The following ZNF17 variants were observed in gnomAD, a reference collection of about 807,000 sequenced individuals.
ZNF17 encodes the protein zinc finger protein 17 (HPF3, KOX 10).
In ZNF17, 4 loss-of-function variants were observed where a neutral mutation model predicts 7.7. The ratio of observed to expected loss-of-function variants is 0.52; its 90% CI spans 0.26 to 1.20. The LOEUF is 1.20. Ranked by LOEUF, ZNF17 falls within the 50% of genes most tolerant of loss-of-function variation. ZNF17 has a pLI of 0.14. For missense variants in ZNF17, 738 were observed against 799.5 expected (o/e 0.92, Z 0.93); for synonymous variants, 249 against 258.8 (o/e 0.96, Z 0.36).
At chr19:57,412,142 G>A (rs2088781289) in intron 1 of ZNF17, among the ~76,000 whole-genome samples, 1 of 152,146 alleles carries the variant, frequency 6.6e-6, no homozygotes, top group African/African-American at 2.4e-5. Context: ...CTGCAAAAAC[G>A]GAGTTCTGAA....
At position 57,417,039 on chromosome 19, in the gene ZNF17, C is replaced by T. The variant is rs1413980502; in HGVS notation, c.22-873C>T. ...GGAAGTGTATCAGTGATTGTACCCA[C>T]AGGATTTCAATCTGTGAACAAGAGT... is the stretch of plus-strand genomic sequence containing the variant. On this transcript the variant is annotated intron_variant, in intron 2 of 3. Coordinates refer to ENST00000307658, the MANE Select transcript of ZNF17 (RefSeq NM_001330617.2). Among the ~76,000 whole-genome samples, 6 of 152,212 alleles carry T rather than the reference C, an allele frequency of 3.9e-5. No individual in the cohort carries two copies. In the East Asian group the frequency reaches 1.2e-3, roughly 29 times the overall value.
intron 2 of ZNF17, 115 bp from the exon 3 acceptor site, chr19:57,417,797 A>G: frequency 7.5e-7 from 1 of 1,328,858 alleles, no homozygotes; most frequent in Non-Finnish European, 1.0e-6. Context: ...CAGTGAGCCG[A>G]GATCACACCA....
At position 57,411,184 on chromosome 19, in the gene ZNF17, T is replaced by G; in HGVS notation, c.-243T>G. On this transcript the variant is annotated 5_prime_UTR_variant, in exon 1 of 4. Coordinates refer to ENST00000307658, the MANE Select transcript of ZNF17 (RefSeq NM_001330617.2). ...CTGCAACGCCTCCTGGGGTTGTCAA[T>G]ATGGCTGCGTTGGGATCTGTTCACC... 1 of 637,032 alleles carries G rather than the reference T, an allele frequency of 1.6e-6. No homozygotes were observed. The highest frequency in any genetic ancestry group is 2.6e-6 in the Non-Finnish European group (1 of 391,160). The allele number at this position is 637,032 out of a possible 1,614,324, so 39.5% of individuals were successfully genotyped here.
Position 57,419,749 on chromosome 19 carries a change from G to T in ZNF17, c.263G>T (p.Cys88Phe). ...PALSTQKAQP[C>F]ETCSSLLKDI... ...TTGTCCACCCAGAAGGCCCAGCCCT[G>T]TGAGACATGTAGCTCACTTCTGAAG... Residue 88 changes from cysteine (C) to phenylalanine (F), a missense_variant, in exon 4 of 4, where the codon TGT becomes TTT. By Grantham distance (205) the Cys-to-Phe change is radical. Coordinates refer to ENST00000307658, the MANE Select transcript of ZNF17 (RefSeq NM_001330617.2). The T allele has an allele frequency of 6.2e-7, 1 of 1,614,204 alleles. No individual in the cohort carries two copies. Among genetic ancestry groups the T allele is most frequent in the Non-Finnish European group, 8.5e-7 (1 of 1,180,036 alleles).
At chr19:57,416,065 G>C (rs1359620581) in intron 2 of ZNF17, among the ~76,000 whole-genome samples, 2 of 152,056 alleles carry the variant, frequency 1.3e-5, no homozygotes, top group Non-Finnish European at 2.9e-5. Context: ...GCCAAGATCT[G>C]GAACTCAAAG....
Position 57,420,193 on chromosome 19 carries a change from T to C in ZNF17, c.707T>C (p.Ile236Thr). ...GKLFRYNSDL[I>T]KHQRNHTGER... ...TTGTTTAGGTACAACTCCGACCTTA[T>C]TAAACATCAGCGAAATCATACTGGA... Residue 236 changes from isoleucine (I) to threonine (T), a missense_variant, in exon 4 of 4, where the codon ATT becomes ACT. Physicochemically the swap from Ile to Thr is moderately conservative, Grantham distance 89 (BLOSUM62 -1). Coordinates refer to ENST00000307658, the MANE Select transcript of ZNF17 (RefSeq NM_001330617.2). 6.2e-7 allele frequency: 1 copy of C among 1,613,170 alleles called. No individual in the cohort carries two copies. Among genetic ancestry groups the C allele is most frequent in the Non-Finnish European group, 8.5e-7 (1 of 1,179,118 alleles).
intron 2 of ZNF17, among the ~76,000 whole-genome samples, chr19:57,416,071 C>CA (rs1159594946): frequency 6.6e-6 from 1 of 151,984 alleles, no homozygotes; most frequent in Non-Finnish European, 1.5e-5. Context: ...ATCTGGAACT[C>CA]AAAGGAGGTG....
At chr19:57,415,084 AG>A (rs2088803410) in intron 2 of ZNF17, among the ~76,000 whole-genome samples, 2 of 152,128 alleles carry the variant, frequency 1.3e-5, no homozygotes, top group African/African-American at 4.8e-5. Context: ...GGAAGAACCA[AG>A]GATACCTGGG....
chr19:57,418,156 CAT>C, intron 3 of ZNF17, 118 bp downstream of exon 3: 1 of 1,348,650 alleles, frequency 7.4e-7, no homozygotes, highest in South Asian at 1.4e-5. Context: ...GGTTTCCTGG[CAT>C]ATGTGTTGTG....
At chr19:57,412,410 C>A (rs1295591169) in intron 1 of ZNF17, among the ~76,000 whole-genome samples, 1 of 151,886 alleles carries the variant, frequency 6.6e-6, no homozygotes, top group Non-Finnish European at 1.5e-5. Context: ...CTTGCTTATC[C>A]CCTCCCTGCA....
At position 57,417,978 on chromosome 19, in the gene ZNF17, G is replaced by A. The variant is rs764388181; in HGVS notation, c.88G>A (p.Val30Ile). The A allele has an allele frequency of 2.5e-5, 41 of 1,613,982 alleles. No homozygotes were observed. Among genetic ancestry groups the A allele is most frequent in the East Asian group, 2.5e-4 (11 of 44,892 alleles). The change falls in exon 3 of 4, where the codon GTT becomes ATT. Residue 30 changes from valine to isoleucine, a missense_variant. Val to Ile is a conservative substitution (Grantham distance 29, BLOSUM62 3). Around this residue, in one of 3 missense-constraint regions of ZNF17, gnomAD observed 616 missense variants for 663.9 expected, o/e 0.93. Transcript: ENST00000307658. ...SQEEWGILND[V>I]QRHLHSDVML... ...GGAGGAGTGGGGAATTCTTAATGAC[G>A]TTCAGAGACACCTGCACAGCGATGT...
Position 57,421,049 on chromosome 19 carries a change from T to G in ZNF17, c.1563T>G (p.Ile521Met). 6.2e-7 allele frequency: 1 copy of G among 1,614,168 alleles called. No individual in the cohort carries two copies. Among genetic ancestry groups the G allele is most frequent in the East Asian group, 2.2e-5 (1 of 44,876 alleles). The change falls in exon 4 of 4, where the codon ATT (isoleucine) becomes ATG (methionine). Residue 521 changes from isoleucine to methionine, a missense_variant. Around this residue, in one of 3 missense-constraint regions of ZNF17, gnomAD observed 616 missense variants for 663.9 expected, o/e 0.93. Coordinates refer to ENST00000307658, the MANE Select transcript of ZNF17 (RefSeq NM_001330617.2). ...CCACACTTGATACACATCAGAGAAT[T>G]CACACTGGTGAAAGGCCTTATGAGT... The part of the protein sequence containing the change: ...CRSTLDTHQR[I>M]HTGERPYECS...
At chr19:57,413,502 T>A (rs2123061614) in intron 1 of ZNF17, 94 bp from the exon 2 acceptor site, 1 of 1,372,938 alleles carries the variant, frequency 7.3e-7, no homozygotes, top group African/African-American at 1.4e-5. Context: ...CTCAGATAAC[T>A]TTGCTCTAGT....
intron 1 of ZNF17, chr19:57,413,372 C>T (rs2088790829): frequency 5.6e-6 from 3 of 530,982 alleles, no homozygotes; most frequent in Non-Finnish European, 6.8e-6. Context: ...ATATTTGATG[C>T]CCATATAAGC....
At position 57,415,335 on chromosome 19, in the gene ZNF17, A is replaced by C. The variant is rs2088805308; in HGVS notation, c.21+1699A>C. ...GCAACTAAGATGTGGTAAATTTTGT[A>C]GTAGGGGGAGTTTAATAGAGCATAT... On this transcript the variant is annotated intron_variant, in intron 2 of 3. Coordinates refer to ENST00000307658, the MANE Select transcript of ZNF17 (RefSeq NM_001330617.2). 5.3e-5 allele frequency among the ~76,000 whole-genome samples: 8 copies of C among 152,124 alleles called. No individual in the cohort carries two copies. The South Asian group carries it at 1.7e-3, about 32-fold the overall frequency.
chr19:57,418,023 CT>C lies in ZNF17; in HGVS notation c.137del (p.Leu46CysfsTer4), dbSNP rs1192978555. The C allele has an allele frequency of 6.2e-7, 1 of 1,613,652 alleles. No individual in the cohort carries two copies. The highest frequency in any genetic ancestry group is 8.5e-7 in the Non-Finnish European group (1 of 1,179,862). ...HSDVMLENFA[L>X]LSSVGCWHGA... ...CGATGTGATGCTGGAGAACTTTGCA[CT>C]TTTGTCCTCAGTAGGTAAGGCCCTG... On this transcript the variant is annotated frameshift_variant, in exon 3 of 4. Coordinates refer to ENST00000307658, the MANE Select transcript of ZNF17 (RefSeq NM_001330617.2). LOFTEE classifies it low-confidence loss of function (END_TRUNC).
At chr19:57,411,522 G>A (rs2088776427) in intron 1 of ZNF17, 116 bp downstream of exon 1, 1 of 1,483,206 alleles carries the variant, frequency 6.7e-7, no homozygotes, top group Non-Finnish European at 9.0e-7. Context: ...TTCTTGTGTG[G>A]GGTACCGGTG....
intron 1 of ZNF17, among the ~76,000 whole-genome samples, chr19:57,412,520 C>T (rs1856111116): frequency 6.6e-6 from 1 of 151,738 alleles, no homozygotes; most frequent in Non-Finnish European, 1.5e-5. Context: ...TCTCGGCTCA[C>T]TGCAAGCTCC....
rs1420800792 is a variant in ZNF17 at position 57,420,071 on chromosome 19, C to T, written c.585C>T (p.Thr195=). 1.9e-6 allele frequency: 3 copies of T among 1,614,058 alleles called. No homozygotes were observed. The Admixed American group carries it at 5.0e-5, about 27-fold the overall frequency. ...GTGGACAGAATAATTACAGCTGCAC[C>T]CAATGTGGGAAAGACTTTTGCCACC... ...FQSGQNNYSC[T]QCGKDFCHQH... is the part of the protein sequence containing the mutation. The change falls in exon 4 of 4, where the codon ACC becomes ACT. Residue 195 remains threonine (T), a synonymous_variant. Coordinates refer to ENST00000307658, the MANE Select transcript of ZNF17 (RefSeq NM_001330617.2).
Sources: gnomAD v4.1 joint callset for allele counts (sites outside exome capture counted in the v4.1 genomes callset) on GRCh38, gnomAD v4.1.1 for gene constraint, gnomAD v4.1.1 regional missense constraint, MANE v1.5 for transcripts, NCBI Gene and HGNC (gene_info 2026-07-23, HGNC 2026-07-21) for gene names.